DSP: variants seen among roughly 807,000 people sequenced by gnomAD.
DSP encodes the protein desmoplakin.
DSP carries 114 observed loss-of-function variants against 290.6 expected under a neutral mutation model. The ratio of observed to expected loss-of-function variants is 0.39; its 90% confidence interval spans 0.34 to 0.46. The LOEUF is 0.46. DSP is among the 20% of genes least tolerant of loss of function. The pLI, the probability that DSP is intolerant of heterozygous loss-of-function variation, is 0.99. For synonymous variants in DSP, 1,311 were observed against 1,316.4 expected (o/e 1.00, Z 0.09); for missense variants, 3,230 against 3,495.8 (o/e 0.92, Z 1.92).
chr6:7,557,382 T>C (rs1391880319), intron 2 of DSP, among the ~76,000 whole-genome samples: 1 of 152,184 alleles, frequency 6.6e-6, no homozygotes, highest in Non-Finnish European at 1.5e-5. Context: ...GCCTTCTTTT[T>C]AAGAACTAAA....
chr6:7,541,886 G>A lies in DSP; in HGVS notation c.-30G>A. On this transcript the variant is annotated 5_prime_UTR_variant, in exon 1 of 24. Coordinates refer to ENST00000379802, the MANE Select transcript of DSP (RefSeq NM_004415.4). ...CGGCCCGCCTCGCTTATGCCTCGGC[G>A]CTGAGCCGCTCTCCCGATTGCCCGC... 7 of 1,597,804 alleles carry A rather than the reference G, an allele frequency of 4.4e-6. No homozygotes were observed. Among genetic ancestry groups the A allele is most frequent in the Non-Finnish European group, 6.0e-6 (7 of 1,174,524 alleles).
rs757208743 is a variant in DSP, at chr6:7,566,477, T to C, written c.1040T>C (p.Ile347Thr). Residue 347 changes from isoleucine to threonine, a missense_variant, in exon 8 of 24, where the codon ATT becomes ACT. Physicochemically the swap from Ile to Thr is moderately conservative, Grantham distance 89 (BLOSUM62 -1). Around this residue, in one of 5 missense-constraint regions of DSP, gnomAD observed 646 missense variants for 684.3 expected, o/e 0.94. Coordinates refer to ENST00000379802, the MANE Select transcript of DSP (RefSeq NM_004415.4). ...VLNQHPASDK[I>T]EAYMDTLQTQ... ...AATCAGCATCCAGCTTCAGACAAAA[T>C]TGAGGTAGGCTTCATGAGGTTTATA... The C allele has an allele frequency of 3.1e-6, 5 of 1,613,374 alleles. No homozygotes were observed. The African/African-American group carries it at 5.3e-5, about 17-fold the overall frequency.
In DSP at chr6:7,579,523, C is replaced by T; in HGVS notation, c.3333C>T (p.Ile1111=). Residue 1111 remains isoleucine, a synonymous_variant, in exon 23 of 24, where the codon ATC becomes ATT. Coordinates refer to ENST00000379802, the MANE Select transcript of DSP (RefSeq NM_004415.4). The surrounding 1 kb of genome is among the most constrained non-coding windows in gnomAD (Gnocchi z 4.1). ...AAATAAAAGAACTCAATGAGAAGAT[C>T]ACCCGACTGACTTATGAGATTGAAG... ...YGQIKELNEK[I]TRLTYEIEDE... The T allele has an allele frequency of 6.2e-7, 1 of 1,613,930 alleles. No homozygotes were observed. Among genetic ancestry groups the T allele is most frequent in the Non-Finnish European group, 8.5e-7 (1 of 1,180,022 alleles).
At position 7,575,285 on chromosome 6, in the gene DSP, C is replaced by G; in HGVS notation, c.2437-10C>G. On this transcript the variant is annotated splice_polypyrimidine_tract_variant and intron_variant, in intron 17 of 23. Transcript: ENST00000379802. ...ATTAATTTGCAATCTTTTTTTTTTT[C>G]ATCTTGCAGAAAATAAAAAATGACT... is the stretch of plus-strand genomic sequence containing the variant. 3 of 1,598,708 alleles carry G rather than the reference C, an allele frequency of 1.9e-6. No homozygotes were observed. In the South Asian group the frequency reaches 3.4e-5, roughly 18 times the overall value.
In DSP at chr6:7,580,465, G is replaced by A. The variant is rs763489227; in HGVS notation, c.4275G>A (p.Arg1425=). ...CCCAGACCACAGAGAATCTCAGGAG[G>A]GTGGAAGAAGACATCCAACAGCAAA... is the stretch of plus-strand genomic sequence containing the variant. ...TLTQTTENLR[R]VEEDIQQQKA... Residue 1425 remains arginine, a synonymous_variant, in exon 23 of 24, where the codon AGG becomes AGA. Coordinates refer to ENST00000379802, the MANE Select transcript of DSP (RefSeq NM_004415.4). The surrounding 1 kb of genome is among the most constrained non-coding windows in gnomAD (Gnocchi z 4.2). 6.2e-7 allele frequency: 1 copy of A among 1,613,944 alleles called. No individual in the cohort carries two copies. Among genetic ancestry groups the A allele is most frequent in the Non-Finnish European group, 8.5e-7 (1 of 1,179,996 alleles).
At position 7,584,387 on chromosome 6, in the gene DSP, G is replaced by C. The variant is rs141709096; in HGVS notation, c.7125G>C (p.Gly2375=). Residue 2375 remains glycine (G), a synonymous_variant, in exon 24 of 24, where the codon GGG becomes GGC. Transcript: ENST00000379802. The surrounding 1 kb of genome is among the most constrained non-coding windows in gnomAD (Gnocchi z 6.4). ...TATTAGAAGCACAGATCGCAACCGG[G>C]GGGATCATTGACCCAAAGGAGAGCC... is the stretch of plus-strand genomic sequence containing the variant. ...IRLLEAQIAT[G]GIIDPKESHR... is the part of the protein sequence containing the mutation. 1 of 1,614,114 alleles carries C rather than the reference G, an allele frequency of 6.2e-7. No homozygotes were observed. Among genetic ancestry groups the C allele is most frequent in the Non-Finnish European group, 8.5e-7 (1 of 1,179,976 alleles).
At position 7,585,485 on chromosome 6, in the gene DSP, G is replaced by A. The variant is rs1318791546; in HGVS notation, c.8223G>A (p.Val2741=). 3.7e-6 allele frequency: 6 copies of A among 1,614,198 alleles called. No homozygotes were observed. In the South Asian group the frequency reaches 4.4e-5, roughly 12 times the overall value. Residue 2741 remains valine, a synonymous_variant, in exon 24 of 24, where the codon GTG becomes GTA. Transcript: ENST00000379802. ...CGGGAGGTCTTGTTGACCCGGAAGTGCATGGGAGGATAAGCACCGAAGAAG... is the reference window on the plus strand; with the variant it reads ...CGGGAGGTCTTGTTGACCCGGAAGTACATGGGAGGATAAGCACCGAAGAAG... ...YLTGGLVDPE[V]HGRISTEEAI...
At position 7,578,573 on chromosome 6, in the gene DSP, CTG is replaced by C; in HGVS notation, c.3084+13_3084+14del. On this transcript the variant is annotated intron_variant, in intron 22 of 23. Coordinates refer to ENST00000379802, the MANE Select transcript of DSP (RefSeq NM_004415.4). ...TTGGAAGATCTGAAGGTAATTTATA[CTG>C]TCTTTTCTTGTAGCGTCAAAAAAGA... 1 of 1,600,642 alleles carries C rather than the reference CTG, an allele frequency of 6.2e-7. No homozygotes were observed. Among genetic ancestry groups the C allele is most frequent in the Non-Finnish European group, 8.6e-7 (1 of 1,168,146 alleles).
chr6:7,554,722 GT>G (rs1758454589), intron 1 of DSP, among the ~76,000 whole-genome samples: 1 of 152,178 alleles, frequency 6.6e-6, no homozygotes, highest in Non-Finnish European at 1.5e-5. Flanking sequence ...ATAGCTCACT[GT>G]AGCCTCCAAC....
In DSP at chr6:7,581,106, T is replaced by G. The variant is rs1304994640; in HGVS notation, c.4916T>G (p.Val1639Gly). 4 of 1,613,916 alleles carry G rather than the reference T, an allele frequency of 2.5e-6. No homozygotes were observed. Among genetic ancestry groups the G allele is most frequent in the Non-Finnish European group, 3.4e-6 (4 of 1,180,032 alleles). The change falls in exon 23 of 24, where the codon GTG becomes GGG. Residue 1639 changes from valine to glycine, a missense_variant. Coordinates refer to ENST00000379802, the MANE Select transcript of DSP (RefSeq NM_004415.4). ...SEDDLRQQRD[V>G]LDGHLREKQR... ...GATGACCTCCGGCAGCAGAGGGACG[T>G]GCTGGATGGCCACCTGAGGGAAAAG...
At position 7,581,254 on chromosome 6, in the gene DSP, G is replaced by A. The variant is rs886061747; in HGVS notation, c.5064G>A (p.Ala1688=). 29 of 1,614,010 alleles carry A rather than the reference G, an allele frequency of 1.8e-5. No homozygotes were observed. Among genetic ancestry groups the A allele is most frequent in the East Asian group, 4.5e-5 (2 of 44,902 alleles). The change falls in exon 23 of 24, where the codon GCG becomes GCA. Residue 1688 remains alanine, a synonymous_variant. Transcript: ENST00000379802. Reference sequence around the variant, plus strand: ...TGAGGAATGAGCATTTCCAGAAGGCGATAGAAGATAAAAGCAGAAGCTTAA... The same window carrying A: ...TGAGGAATGAGCATTTCCAGAAGGCAATAGAAGATAAAAGCAGAAGCTTAA... ...AHLRNEHFQK[A]IEDKSRSLNE...
intron 9 of DSP, 65 bp from the exon 10 acceptor site, chr6:7,567,716 G>A (rs1758905082): frequency 1.9e-6 from 3 of 1,608,886 alleles, no homozygotes; most frequent in Non-Finnish European, 2.5e-6. Context: ...CCTTGAAACA[G>A]AACTACTAGA....
intron 15 of DSP, 38 bp downstream of exon 15, chr6:7,572,106 T>A (rs1224069547): frequency 6.5e-7 from 1 of 1,536,970 alleles, no homozygotes. Flanking sequence ...TTACCCTGTA[T>A]ATTTTTATTT....
Position 7,582,503 on chromosome 6 carries a change from C to G in DSP, c.5380-139C>G. On this transcript the variant is annotated intron_variant, in intron 23 of 23. Coordinates refer to ENST00000379802, the MANE Select transcript of DSP (RefSeq NM_004415.4). This position sits in a 1 kb window ranked among gnomAD's most constrained non-coding sequence, Gnocchi z 4.2. ...GTAAAATAACAAGCTCACAGTGTATCCAGGGACAATATAGAAAGAAAAAAT... is the reference window on the plus strand; with the variant it reads ...GTAAAATAACAAGCTCACAGTGTATGCAGGGACAATATAGAAAGAAAAAAT... The G allele has an allele frequency of 1.3e-6, 1 of 787,846 alleles. No homozygotes were observed. The highest frequency in any genetic ancestry group is 2.0e-6 in the Non-Finnish European group (1 of 491,426). The allele number at this position is 787,846 out of a possible 1,614,324, so 48.8% of individuals were successfully genotyped here. A position where few individuals can be genotyped will look rare whatever the true frequency, so the allele number is the denominator to read the frequency against.
At position 7,541,748 on chromosome 6, in the gene DSP, G is replaced by C. The variant is rs1451279467; in HGVS notation, c.-168G>C. ...CCGGCCCGTCGCCGTCTCCGCGCTCGCAGCGGCCTCGGGAGGGCCCAGGTA... is the reference window on the plus strand; with the variant it reads ...CCGGCCCGTCGCCGTCTCCGCGCTCCCAGCGGCCTCGGGAGGGCCCAGGTA... On this transcript the variant is annotated 5_prime_UTR_variant, in exon 1 of 24. Coordinates refer to ENST00000379802, the MANE Select transcript of DSP (RefSeq NM_004415.4). The C allele has an allele frequency of 3.7e-6, 3 of 820,260 alleles. No individual in the cohort carries two copies. The African/African-American group carries it at 5.5e-5, about 15-fold the overall frequency. The allele number at this position is 820,260 out of a possible 1,614,324, so 50.8% of individuals were successfully genotyped here.
At chr6:7,571,196 T>C (rs567431906) in intron 13 of DSP, among the ~76,000 whole-genome samples, 187 bp from the exon 14 acceptor site, 3 of 151,534 alleles carry the variant, frequency 2.0e-5, no homozygotes, top group Admixed American at 6.6e-5. Flanking sequence ...AAAAAAAAAT[T>C]AGCAACCCAT....
chr6:7,575,620 T>C (rs746547404), intron 18 of DSP, 132 bp downstream of exon 18: 5 of 1,072,192 alleles, frequency 4.7e-6, no homozygotes, highest in Non-Finnish European at 6.9e-6. Flanking sequence ...TAACAGATGC[T>C]CTTTTCATGG....
chr6:7,569,058 CATTT>C, intron 11 of DSP, 124 bp from the exon 12 acceptor site: 5 of 1,274,090 alleles, frequency 3.9e-6, no homozygotes, highest in Non-Finnish European at 5.5e-6. Flanking sequence ...TGATCAGCTT[CATTT>C]GAGGGGAAAA....
chr6:7,553,172 G>A lies in DSP; in HGVS notation c.171-2546G>A, dbSNP rs576476387. 3.9e-5 allele frequency among the ~76,000 whole-genome samples: 6 copies of A among 152,054 alleles called. No homozygotes were observed. The East Asian group carries it at 9.7e-4, about 25-fold the overall frequency. On this transcript the variant is annotated intron_variant, in intron 1 of 23. Transcript: ENST00000379802. ...TTTTAACAGCGGGGTTTTATGCTGT[G>A]TTGCCCAGGCTAGTCTTGAACTCCT...
Sources: gnomAD v4.1 joint callset for allele counts (sites outside exome capture counted in the v4.1 genomes callset) on GRCh38, gnomAD v4.1.1 for gene constraint, gnomAD v4.1.1 regional missense constraint, Gnocchi (gnomAD v3.1) non-coding constraint, MANE v1.5 for transcripts, NCBI Gene and HGNC (gene_info 2026-07-23, HGNC 2026-07-21) for gene names.